The following PAX3 variants were observed in gnomAD, a reference collection of about 807,000 sequenced individuals.
PAX3 encodes paired box 3.
A neutral mutation model predicts 51.6 loss-of-function variants in PAX3; 14 were observed. The ratio of observed to expected loss-of-function variants is 0.27; its 90% confidence interval spans 0.18 to 0.42. The LOEUF is 0.42. Among genes scored for constraint, PAX3 ranks in the 10% least tolerant of loss-of-function variants. The pLI, the probability that PAX3 is intolerant of heterozygous loss-of-function variation, is 1.00. For synonymous variants in PAX3, 280 were observed against 253.4 expected (o/e 1.11, Z -1.00); for missense variants, 540 against 642.8 (o/e 0.84, Z 1.73).
At chr2:222,226,238 A>T (rs1004656528) in intron 5 of PAX3, among the ~76,000 whole-genome samples, 1 of 152,232 alleles carries the variant, frequency 6.6e-6, no homozygotes, top group South Asian at 2.1e-4. Flanking sequence ...TGACATGCCA[A>T]GTACAGTACT....
chr2:222,270,524 G>A (rs1395610943), intron 4 of PAX3, among the ~76,000 whole-genome samples: 1 of 152,104 alleles, frequency 6.6e-6, no homozygotes, highest in Non-Finnish European at 1.5e-5. Context: ...TTATCTTCAG[G>A]GAAATCAAAA....
intron 4 of PAX3, among the ~76,000 whole-genome samples, chr2:222,282,028 A>G (rs1694665196): frequency 6.6e-6 from 1 of 152,244 alleles, no homozygotes; most frequent in East Asian, 1.9e-4. Flanking sequence ...GTCAAGAAAG[A>G]AGACGTGTTT....
chr2:222,297,258 G>T, intron 1 of PAX3, 45 bp from the exon 2 acceptor site: 2 of 1,424,256 alleles, frequency 1.4e-6, no homozygotes, highest in East Asian at 2.5e-5. Flanking sequence ...GTCACTGGAG[G>T]AAAATAAAAA....
At chr2:222,236,608 A>G (rs1301165584) in intron 4 of PAX3, among the ~76,000 whole-genome samples, 1 of 152,222 alleles carries the variant, frequency 6.6e-6, no homozygotes, top group Non-Finnish European at 1.5e-5. Context: ...AAGAAATTAT[A>G]TCTTTTTTCT....
chr2:222,273,209 C>A (rs563776603), intron 4 of PAX3, among the ~76,000 whole-genome samples: 3 of 152,176 alleles, frequency 2.0e-5, no homozygotes, highest in Non-Finnish European at 4.4e-5. Flanking sequence ...AAAATAATTT[C>A]TTCAACCAGC....
rs949381555 is a variant in PAX3 at position 222,201,305 on chromosome 2, C to A, written c.*103G>T. 19 of 1,613,014 alleles carry A rather than the reference C, an allele frequency of 1.2e-5. No homozygotes were observed. The highest frequency in any genetic ancestry group is 6.7e-5 in the African/African-American group (5 of 74,618). On this transcript the variant is annotated 3_prime_UTR_variant, in exon 9 of 9. Coordinates refer to ENST00000392070, the MANE Select transcript of PAX3 (RefSeq NM_181458.4). ...TATTGGGACCACTGCCCCACCCCCCCCAACAAAAGGGTAATTTTTTTTTGT... is the reference window on the plus strand; with the variant it reads ...TATTGGGACCACTGCCCCACCCCCCACAACAAAAGGGTAATTTTTTTTTGT...
chr2:222,273,564 A>G (rs1405021988), intron 4 of PAX3, among the ~76,000 whole-genome samples: 2 of 152,202 alleles, frequency 1.3e-5, no homozygotes, highest in Non-Finnish European at 2.9e-5. Flanking sequence ...TGCAAAGCCA[A>G]TGTATAAAAG....
chr2:222,281,098 A>G (rs1422301657), intron 4 of PAX3, among the ~76,000 whole-genome samples: 1 of 152,230 alleles, frequency 6.6e-6, no homozygotes, highest in Non-Finnish European at 1.5e-5. Flanking sequence ...AGCCAAGCAC[A>G]TCTACCACCT....
intron 7 of PAX3, among the ~76,000 whole-genome samples, chr2:222,207,890 T>TA (rs1220445704): frequency 1.3e-5 from 2 of 152,034 alleles, no homozygotes; most frequent in Admixed American, 1.3e-4. Context: ...GTTGTTTTTT[T>TA]AAAAAACCAT....
intron 4 of PAX3, among the ~76,000 whole-genome samples, chr2:222,260,264 C>G: frequency 6.6e-6 from 1 of 151,122 alleles, no homozygotes. Flanking sequence ...GAAAAAAAAA[C>G]TATAGAAAAA....
At chr2:222,285,178 G>A (rs1002196929) in intron 4 of PAX3, among the ~76,000 whole-genome samples, 8 of 152,202 alleles carry the variant, frequency 5.3e-5, no homozygotes, top group South Asian at 2.1e-4. Context: ...AAGCTCAACC[G>A]TGTTGATTGA....
intron 4 of PAX3, among the ~76,000 whole-genome samples, chr2:222,233,370 G>A (rs780019063): frequency 5.9e-5 from 9 of 152,166 alleles, no homozygotes; most frequent in East Asian, 1.9e-4. Context: ...TACAAATTAC[G>A]TTAATGATAC....
At position 222,294,110 on chromosome 2, in the gene PAX3, T is replaced by C. The variant is rs202175449; in HGVS notation, c.586+57A>G. ...CTGCCGTCAGATCACCAATGTCAGC[T>C]AGCCGATGCCCTCCAAGTCACCCAG... On this transcript the variant is annotated intron_variant, in intron 4 of 8. Coordinates refer to ENST00000392070, the MANE Select transcript of PAX3 (RefSeq NM_181458.4). 3.0e-4 allele frequency: 489 copies of C among 1,611,416 alleles called. 1 individual carries two copies. The African/African-American group carries it at 5.7e-3, about 19-fold the overall frequency.
At chr2:222,207,008 A>C (rs1691536704) in intron 7 of PAX3, among the ~76,000 whole-genome samples, 1 of 152,190 alleles carries the variant, frequency 6.6e-6, no homozygotes, top group South Asian at 2.1e-4. Flanking sequence ...TTTTTAAAAA[A>C]GAAATGTGAA....
intron 4 of PAX3, among the ~76,000 whole-genome samples, chr2:222,256,136 C>A (rs1351463480): frequency 1.3e-5 from 2 of 151,870 alleles, no homozygotes; most frequent in Non-Finnish European, 2.9e-5. Flanking sequence ...TGTACCAAAC[C>A]CTGATCTTCG....
At chr2:222,206,662 A>C in intron 7 of PAX3, among the ~76,000 whole-genome samples, 1 of 152,190 alleles carries the variant, frequency 6.6e-6, no homozygotes, top group Non-Finnish European at 1.5e-5. Flanking sequence ...GGAAAAACTA[A>C]GTCTTACAAT....
intron 1 of PAX3, 109 bp from the exon 2 acceptor site, chr2:222,297,322 A>T: frequency 1.2e-6 from 1 of 823,868 alleles, no homozygotes; most frequent in Admixed American, 2.0e-5. Flanking sequence ...CTCATGTTAC[A>T]GCACCGACGC....
intron 4 of PAX3, among the ~76,000 whole-genome samples, chr2:222,268,169 C>G (rs144771871): frequency 3.4e-4 from 52 of 152,290 alleles, no homozygotes; most frequent in African/African-American, 1.0e-3. Context: ...TGAGCAGAGT[C>G]CTGGGGGCCT....
chr2:222,274,155 A>G (rs1373931912), intron 4 of PAX3, among the ~76,000 whole-genome samples: 1 of 152,140 alleles, frequency 6.6e-6, no homozygotes, highest in Non-Finnish European at 1.5e-5. Context: ...TCCAAATTCT[A>G]AAAGGATATT....
Sources: allele counts gnomAD v4.1 joint callset (sites outside exome capture counted in the v4.1 genomes callset), GRCh38; gene constraint gnomAD v4.1.1; transcripts MANE v1.5; gene names NCBI Gene and HGNC (gene_info 2026-07-23, HGNC 2026-07-21).